CCDC73: variants seen among roughly 807,000 people sequenced by gnomAD.
CCDC73 encodes the protein coiled-coil domain containing 73.
Under a neutral mutation model 116.5 loss-of-function variants are expected in CCDC73, and 95 were observed. The observed-to-expected ratio is 0.82, with a 90% CI of 0.69 to 0.97. CCDC73 has a LOEUF of 0.97. Ranked by LOEUF, CCDC73 falls within the 50% of genes least tolerant of loss-of-function variation. CCDC73 has a pLI of 0.00. For synonymous variants in CCDC73, 398 were observed against 401.3 expected (o/e 0.99, Z 0.10); for missense variants, 1,066 against 1,206.8 (o/e 0.88, Z 1.73).
chr11:32,762,660 C>A (rs2133379000), intron 1 of CCDC73, among the ~76,000 whole-genome samples: 1 of 152,264 alleles, frequency 6.6e-6, no homozygotes, highest in African/African-American at 2.4e-5. Flanking sequence ...ATATGAACAG[C>A]TCCAGTCTAC....
intron 1 of CCDC73, among the ~76,000 whole-genome samples, chr11:32,781,299 G>C (rs567196098): frequency 6.6e-6 from 1 of 152,250 alleles, no homozygotes; most frequent in East Asian, 1.9e-4. Context: ...GGTGATTTAA[G>C]GCATAAGCCT....
chr11:32,829,732 G>T, the CCDC73 span: 8 of 979,782 alleles, frequency 8.2e-6, no homozygotes, highest in Non-Finnish European at 9.7e-6. Context: ...AGCCACCCGC[G>T]CCGCCAAGGC....
intron 2 of CCDC73, among the ~76,000 whole-genome samples, chr11:32,759,039 C>T (rs544126514): frequency 4.1e-4 from 62 of 151,812 alleles, no homozygotes; most frequent in Middle Eastern, 7.0e-3. Context: ...AATGTTGTTT[C>T]AGATCTTTTT....
At chr11:32,715,728 T>C (rs771145139) in intron 3 of CCDC73, among the ~76,000 whole-genome samples, 6 of 152,184 alleles carry the variant, frequency 3.9e-5, no homozygotes, top group Non-Finnish European at 8.8e-5. Context: ...CAACTTAGTT[T>C]TTTGTTCCAG....
At chr11:32,759,756 A>G (rs554730127) in intron 2 of CCDC73, among the ~76,000 whole-genome samples, 15 of 152,354 alleles carry the variant, frequency 9.8e-5, no homozygotes, top group Admixed American at 2.0e-4. Context: ...AGGCATCTAT[A>G]TAATAACCTT....
chr11:32,711,565 C>A (rs1368714871), intron 3 of CCDC73, among the ~76,000 whole-genome samples: 2 of 152,076 alleles, frequency 1.3e-5, no homozygotes, highest in Non-Finnish European at 2.9e-5. Context: ...AAGCTATGAG[C>A]ACACAAAGGC....
intron 13 of CCDC73, among the ~76,000 whole-genome samples, chr11:32,641,025 AAAAAG>A (rs71063751): frequency 0.8 from 118,886 of 148,826 alleles, 48,564 homozygotes; most frequent in African/African-American, 0.93. Flanking sequence ...CCCACCAAAA[AAAAAG>A]AAAAGAAAAG....
intron 2 of CCDC73, among the ~76,000 whole-genome samples, chr11:32,747,276 T>C (rs546649412): frequency 6.6e-6 from 1 of 152,278 alleles, no homozygotes; most frequent in Admixed American, 6.5e-5. Context: ...ACAGCAAATA[T>C]TGCTCTCTGA....
upstream of CCDC73, chr11:32,794,743 T>C (rs903652816): frequency 8.5e-5 from 13 of 152,236 alleles, no homozygotes; most frequent in African/African-American, 2.9e-4. Flanking sequence ...CAAAATATGA[T>C]TGATTTTATT....
chr11:32,652,980 T>G, intron 12 of CCDC73, 143 bp downstream of exon 12: 1 of 521,584 alleles, frequency 1.9e-6, no homozygotes, highest in South Asian at 3.2e-5. Context: ...GAAAACAAGT[T>G]GAAGGAAGTC....
chr11:32,609,669 T>A (rs1855395608), intron 17 of CCDC73, among the ~76,000 whole-genome samples: 1 of 152,206 alleles, frequency 6.6e-6, no homozygotes, highest in African/African-American at 2.4e-5. Flanking sequence ...ATTAGTTTAT[T>A]TTCACACTGC....
rs1690898962 is a variant in CCDC73, at chr11:32,760,149, G to A, written c.95C>T (p.Thr32Ile). ...LFSIQLLDFK[T>I]SLLEALEELR... Reference sequence around the variant, plus strand: ...TTCTTCTAATGCCTCCAGTAAACTTGTTTTGAAATCTAATAGCTGAATAGA... The same window carrying A: ...TTCTTCTAATGCCTCCAGTAAACTTATTTTGAAATCTAATAGCTGAATAGA... Residue 32 changes from threonine (T) to isoleucine (I), a missense_variant, in exon 2 of 18, where the codon ACA becomes ATA. Coordinates refer to ENST00000335185, the MANE Select transcript of CCDC73 (RefSeq NM_001008391.4). 5 of 1,605,302 alleles carry A rather than the reference G, an allele frequency of 3.1e-6. No individual in the cohort carries two copies. The Admixed American group carries it at 8.6e-5, about 28-fold the overall frequency.
chr11:32,654,380 G>T (rs577314199), intron 10 of CCDC73, among the ~76,000 whole-genome samples: 59 of 152,220 alleles, frequency 3.9e-4, no homozygotes, highest in Non-Finnish European at 7.9e-4. Flanking sequence ...CATCATGTTG[G>T]CCAAGCTGGT....
chr11:32,812,924 A>C, the CCDC73 span, among the ~76,000 whole-genome samples: 1 of 152,234 alleles, frequency 6.6e-6, no homozygotes, highest in Admixed American at 6.5e-5. Context: ...ACCACAGTCG[A>C]ATACCTATGG....
chr11:32,769,287 C>T (rs1269960480), intron 1 of CCDC73, among the ~76,000 whole-genome samples: 1 of 152,150 alleles, frequency 6.6e-6, no homozygotes, highest in East Asian at 1.9e-4. Context: ...GTACTGGGCT[C>T]AGCTAGGTGG....
intron 9 of CCDC73, among the ~76,000 whole-genome samples, chr11:32,668,645 T>C (rs1217057138): frequency 1.3e-5 from 2 of 152,162 alleles, no homozygotes; most frequent in African/African-American, 4.8e-5. Context: ...GAAAGTGGTA[T>C]GTGTAAGTAT....
At chr11:32,830,416 G>A in the CCDC73 span, 9 of 1,089,274 alleles carry the variant, frequency 8.3e-6, no homozygotes, top group Non-Finnish European at 1.1e-5. Flanking sequence ...CCTAGGCTTT[G>A]AGTACAACAG....
At chr11:32,606,539 G>C (rs1221092632) in intron 17 of CCDC73, among the ~76,000 whole-genome samples, 1 of 152,226 alleles carries the variant, frequency 6.6e-6, no homozygotes, top group Non-Finnish European at 1.5e-5. Flanking sequence ...TTGGCACATA[G>C]TAATAAGCAC....
chr11:32,774,688 A>G (rs1489942882), intron 1 of CCDC73, among the ~76,000 whole-genome samples: 3 of 152,222 alleles, frequency 2.0e-5, no homozygotes, highest in Non-Finnish European at 4.4e-5. Flanking sequence ...CATTGAATCT[A>G]TGGCTGTATA....
Sources: gnomAD v4.1 joint callset for allele counts (sites outside exome capture counted in the v4.1 genomes callset) on GRCh38, gnomAD v4.1.1 for gene constraint, MANE v1.5 for transcripts, NCBI Gene and HGNC (gene_info 2026-07-23, HGNC 2026-07-21) for gene names.